Variants in LTA4H observed in about 807,000 individuals in gnomAD.
LTA4H encodes leukotriene A-4 hydrolase.
A neutral mutation model predicts 89.8 loss-of-function variants in LTA4H; 59 were observed. That is an observed-to-expected ratio of 0.66 (90% CI 0.53 to 0.82). The LOEUF is 0.82. LTA4H is among the 40% of genes least tolerant of loss of function. The pLI is 0.00. For synonymous variants in LTA4H, 227 were observed against 253.1 expected (o/e 0.90, Z 0.98); for missense variants, 617 against 727.0 (o/e 0.85, Z 1.74).
upstream of LTA4H, among the ~76,000 whole-genome samples, chr12:96,037,979 C>G (rs1950663010): frequency 6.6e-6 from 1 of 152,066 alleles, no homozygotes; most frequent in Non-Finnish European, 1.5e-5. Flanking sequence ...CGTGAGCCAC[C>G]GCGCCCGGCC....
chr12:96,027,373 T>C lies in LTA4H; in HGVS notation c.411+71A>G. On this transcript the variant is annotated intron_variant, in intron 3 of 18. Coordinates refer to ENST00000228740, the MANE Select transcript of LTA4H (RefSeq NM_000895.3). ...ACCTACATAATCCATAAAACCACTG[T>C]TCATTTTGCTTCATTCAACCATAGG... 4 of 1,397,056 alleles carry C rather than the reference T, an allele frequency of 2.9e-6. No homozygotes were observed. The South Asian group carries it at 5.7e-5, about 20-fold the overall frequency. The allele number at this position is 1,397,056 out of a possible 1,614,324, so 86.5% of individuals were successfully genotyped here.
chr12:96,040,120 A>G (rs1029534170), upstream of LTA4H, among the ~76,000 whole-genome samples: 2 of 152,226 alleles, frequency 1.3e-5, no homozygotes, highest in Admixed American at 1.3e-4. Flanking sequence ...TATTAATAGG[A>G]AAAATGGTAG....
At position 96,027,302 on chromosome 12, in the gene LTA4H, T is replaced by A. The variant is rs1950522885; in HGVS notation, c.411+142A>T. 4.4e-5 allele frequency: 27 copies of A among 611,198 alleles called. No individual in the cohort carries two copies. In the South Asian group the frequency reaches 7.1e-4, roughly 16 times the overall value. The allele number at this position is 611,198 out of a possible 1,614,324, so 37.9% of individuals were successfully genotyped here. ...AGATAAAATGAAAATATATAATTCA[T>A]CTTATATGTTTCTATAAGATCAATT... On this transcript the variant is annotated intron_variant, in intron 3 of 18. Coordinates refer to ENST00000228740, the MANE Select transcript of LTA4H (RefSeq NM_000895.3).
chr12:96,025,311 C>G (rs995362765), intron 3 of LTA4H: 1 of 152,220 alleles, frequency 6.6e-6, no homozygotes, highest in Non-Finnish European at 1.5e-5. Context: ...CCATTTCTCT[C>G]TGGTTTAACA....
In LTA4H at chr12:96,017,071, A is replaced by G. The variant is rs1422849634; in HGVS notation, c.920T>C (p.Val307Ala). 1.6e-5 allele frequency: 25 copies of G among 1,612,440 alleles called. No individual in the cohort carries two copies. Among genetic ancestry groups the G allele is most frequent in the Non-Finnish European group, 2.0e-5 (24 of 1,178,614 alleles). The change falls in exon 10 of 19, where the codon GTG becomes GCG. Residue 307 changes from valine to alanine, a missense_variant. Physicochemically the swap from Val to Ala is moderately conservative, Grantham distance 64. Coordinates refer to ENST00000228740, the MANE Select transcript of LTA4H (RefSeq NM_000895.3). The stretch of plus-strand genomic sequence containing the variant: ...AAAGTGATCCCAAGTTTTGTTGGTC[A>G]CTAGATTCCCTGTCCAGCTATGAGA... ...EISHSWTGNL[V>A]TNKTWDHFWL...
Position 96,003,005 on chromosome 12 carries a change from A to G in LTA4H, c.1673T>C (p.Met558Thr), listed in dbSNP as rs746416867. The change falls in exon 18 of 19, where the codon ATG (methionine) becomes ACG (threonine). Residue 558 changes from methionine to threonine, a missense_variant. Around this residue, in one of 3 missense-constraint regions of LTA4H, gnomAD observed 290 missense variants for 339.1 expected, o/e 0.86. Transcript: ENST00000228740. ...WEDAIPLALK[M>T]ATEQGRMKFT... ...CTTCATTCTTCCTTGTTCAGTTGCC[A>G]TCTTTAGCGCCAAAGGAATTGCGTC... is the stretch of plus-strand genomic sequence containing the variant. The G allele has an allele frequency of 6.2e-7, 1 of 1,606,258 alleles. No individual in the cohort carries two copies. The highest frequency in any genetic ancestry group is 8.5e-7 in the Non-Finnish European group (1 of 1,175,956).
intron 13 of LTA4H, among the ~76,000 whole-genome samples, chr12:96,013,511 A>G (rs1950334677): frequency 6.6e-6 from 1 of 152,168 alleles, no homozygotes; most frequent in Non-Finnish European, 1.5e-5. Flanking sequence ...ACCTCATCTA[A>G]CTCTATCTTC....
At chr12:96,034,747 A>G (rs566873179) in intron 1 of LTA4H, among the ~76,000 whole-genome samples, 1 of 152,326 alleles carries the variant, frequency 6.6e-6, no homozygotes, top group East Asian at 1.9e-4. Flanking sequence ...TAGCAGGGAG[A>G]TCCAGGGAAC....
In LTA4H at chr12:96,000,839, G is replaced by A. The variant is rs1334287150; in HGVS notation, c.*150C>T. Reference sequence around the variant, plus strand: ...AAAGAATATGCCACTATAAGAAGAAGTAGCTCAACTTTATTTCAGTAAAAT... The same window carrying A: ...AAAGAATATGCCACTATAAGAAGAAATAGCTCAACTTTATTTCAGTAAAAT... On this transcript the variant is annotated 3_prime_UTR_variant, in exon 19 of 19. Coordinates refer to ENST00000228740, the MANE Select transcript of LTA4H (RefSeq NM_000895.3). 5.3e-6 allele frequency: 3 copies of A among 563,718 alleles called. No homozygotes were observed. The highest frequency in any genetic ancestry group is 6.4e-6 in the Non-Finnish European group (2 of 314,244). 34.9% of individuals were successfully genotyped at this position (563,718 alleles called of 1,614,324 possible).
upstream of LTA4H, among the ~76,000 whole-genome samples, chr12:96,038,991 A>C (rs1342952683): frequency 1.3e-5 from 2 of 151,950 alleles, no homozygotes; most frequent in Non-Finnish European, 2.9e-5. Context: ...CCAAATATAG[A>C]ATGTACAAAA....
rs144380196 is a variant in LTA4H at position 96,024,873 on chromosome 12, G to A, written c.412-326C>T. Among the ~76,000 whole-genome samples the A allele has an allele frequency of 6.0e-3, 914 of 152,240 alleles. 12 individuals are homozygous for A. The highest frequency in any genetic ancestry group is 0.021 in the African/African-American group (873 of 41,550). Reference sequence around the variant, plus strand: ...AGTAGAGATGGGGTTTCTCCATGTTGATCAGGCTGGTCTCGAACTCCCAAC... The same window carrying A: ...AGTAGAGATGGGGTTTCTCCATGTTAATCAGGCTGGTCTCGAACTCCCAAC... On this transcript the variant is annotated intron_variant, in intron 3 of 18. Coordinates refer to ENST00000228740, the MANE Select transcript of LTA4H (RefSeq NM_000895.3).
At chr12:96,006,615 T>C (rs778455498) in intron 15 of LTA4H, among the ~76,000 whole-genome samples, 2 of 152,190 alleles carry the variant, frequency 1.3e-5, no homozygotes, top group Non-Finnish European at 2.9e-5. Flanking sequence ...AGAATCTATA[T>C]TACTTAAGAA....
Position 96,027,470 on chromosome 12 carries a change from G to A in LTA4H, c.385C>T (p.His129Tyr). 1.2e-6 allele frequency: 2 copies of A among 1,609,560 alleles called. No homozygotes were observed. Among genetic ancestry groups the A allele is most frequent in the Non-Finnish European group, 1.7e-6 (2 of 1,178,324 alleles). Residue 129 changes from histidine to tyrosine, a missense_variant, in exon 3 of 19, where the codon CAC (histidine) becomes TAC (tyrosine). His to Tyr is a moderately conservative substitution (Grantham distance 83). Transcript: ENST00000228740. Reference protein sequence around the residue: ...LTPEQTSGKEHPYLFSQCQAI... With the variant: ...LTPEQTSGKEYPYLFSQCQAI... The stretch of plus-strand genomic sequence containing the variant: ...TGGCACTGACTAAAGAGATATGGGT[G>A]TTCCTTCCCAGAAGTCTGTTCAGGA...
upstream of LTA4H, among the ~76,000 whole-genome samples, chr12:96,040,271 C>G (rs1261890813): frequency 6.6e-6 from 1 of 152,186 alleles, no homozygotes; most frequent in Non-Finnish European, 1.5e-5. Flanking sequence ...GCAGTGCCCT[C>G]ACACACTCCT....
chr12:96,015,766 C>G, intron 10 of LTA4H, 72 bp from the exon 11 acceptor site: 1 of 1,057,390 alleles, frequency 9.5e-7, no homozygotes, highest in Non-Finnish European at 1.4e-6. Context: ...AAGATATTTT[C>G]TTTTTGGCTT....
chr12:96,001,338 G>C (rs561600218), intron 18 of LTA4H, among the ~76,000 whole-genome samples: 1 of 152,298 alleles, frequency 6.6e-6, no homozygotes, highest in East Asian at 1.9e-4. Context: ...AGATGGGTAT[G>C]GTCCTGCCAC....
intron 3 of LTA4H, among the ~76,000 whole-genome samples, chr12:96,026,517 C>T (rs1950514836): frequency 6.6e-6 from 1 of 152,162 alleles, no homozygotes; most frequent in Non-Finnish European, 1.5e-5. Context: ...TTATGAGATA[C>T]AGATTGTGCA....
chr12:96,035,277 C>G, intron 1 of LTA4H, 84 bp downstream of exon 1: 3 of 1,412,278 alleles, frequency 2.1e-6, no homozygotes, highest in South Asian at 2.7e-5. Flanking sequence ...CGGGGTGAGC[C>G]GGAGATCCGG....
Position 96,027,376 on chromosome 12 carries a change from ATTTT to A in LTA4H, c.411+64_411+67del, listed in dbSNP as rs1950523805. The A allele has an allele frequency of 2.8e-6, 4 of 1,437,168 alleles. No homozygotes were observed. The East Asian group carries it at 9.6e-5, about 35-fold the overall frequency. 89.0% of individuals were successfully genotyped at this position (1,437,168 alleles called of 1,614,324 possible). ...TACATAATCCATAAAACCACTGTTCATTTTGCTTCATTCAACCATAGGTGCTGAA... is the reference window on the plus strand; with the variant it reads ...TACATAATCCATAAAACCACTGTTCAGCTTCATTCAACCATAGGTGCTGAA... On this transcript the variant is annotated intron_variant, in intron 3 of 18. Coordinates refer to ENST00000228740, the MANE Select transcript of LTA4H (RefSeq NM_000895.3).
Sources: gnomAD v4.1 joint callset for allele counts (sites outside exome capture counted in the v4.1 genomes callset) on GRCh38, gnomAD v4.1.1 for gene constraint, gnomAD v4.1.1 regional missense constraint, MANE v1.5 for transcripts, NCBI Gene and HGNC (gene_info 2026-07-23, HGNC 2026-07-21) for gene names.